NOTCH2: variants seen among roughly 807,000 people sequenced by gnomAD.
NOTCH2 encodes the protein neurogenic locus notch homolog protein 2.
In NOTCH2, 29 loss-of-function variants were observed where a neutral mutation model predicts 235.8. The observed-to-expected ratio is 0.12, with a 90% CI of 0.09 to 0.17. NOTCH2 has a LOEUF of 0.17. NOTCH2 is among the 10% of genes least tolerant of loss of function. The probability of loss-of-function intolerance (pLI) is 1.00; values close to 1 mark genes in which losing one functional copy is unlikely to be tolerated. For synonymous variants in NOTCH2, 1,086 were observed against 1,141.5 expected (o/e 0.95, Z 0.98); for missense variants, 2,285 against 3,150.2 (o/e 0.73, Z 6.57).
At position 119,922,749 on chromosome 1, in the gene NOTCH2, C is replaced by T. The variant is rs1230304595; in HGVS notation, c.4889G>A (p.Arg1630His). The change falls in exon 27 of 34, where the codon CGC (arginine) becomes CAC (histidine). Residue 1630 changes from arginine to histidine, a missense_variant. Transcript: ENST00000256646. ...GTGGTCTGAGTCTTGAACACACTGG[C>T]GGTTGTCAATTTCCAGAAAGACTTT... is the stretch of plus-strand genomic sequence containing the variant. ...GSKVFLEIDN[R>H]QCVQDSDHCF... The T allele has an allele frequency of 3.5e-5, 56 of 1,613,968 alleles. No individual in the cohort carries two copies. The highest frequency in any genetic ancestry group is 4.3e-5 in the Non-Finnish European group (51 of 1,180,028).
intron 2 of NOTCH2, among the ~76,000 whole-genome samples, chr1:120,011,999 G>A (rs1653213510): frequency 7.1e-6 from 1 of 141,440 alleles, no homozygotes. Context: ...CTGGGCGACA[G>A]AGCGAGACTC....
intron 17 of NOTCH2, among the ~76,000 whole-genome samples, chr1:119,945,254 T>A (rs1197917782): frequency 2.0e-5 from 3 of 152,140 alleles, no homozygotes; most frequent in Non-Finnish European, 4.4e-5. Flanking sequence ...TTTATGTATG[T>A]AGATAAAATG....
At position 119,916,479 on chromosome 1, in the gene NOTCH2, T is replaced by C; in HGVS notation, c.6243A>G (p.Ser2081=). 6.2e-7 allele frequency: 1 copy of C among 1,612,414 alleles called. No individual in the cohort carries two copies. The highest frequency in any genetic ancestry group is 1.1e-5 in the South Asian group (1 of 91,036). The change falls in exon 34 of 34, where the codon TCA becomes TCG. Residue 2081 remains serine, a synonymous_variant. Transcript: ENST00000256646. ...ATCTGTTGGGCCCACAGATGACAGG[T>C]GAGAGAGCAGAAGTCAACACGGTGC... ...PPGTVLTSAL[S]PVICGPNRSF...
At chr1:119,954,472 T>C (rs77184820) in intron 13 of NOTCH2, among the ~76,000 whole-genome samples, 1,600 of 152,348 alleles carry the variant, frequency 0.011, 21 homozygotes, top group African/African-American at 0.035. Flanking sequence ...AGCCATATCC[T>C]ATGGCAAATG....
intron 22 of NOTCH2, among the ~76,000 whole-genome samples, chr1:119,930,894 C>A (rs982102497): frequency 6.7e-6 from 1 of 148,196 alleles, no homozygotes; most frequent in African/African-American, 2.6e-5. Context: ...GTCAGGAGAT[C>A]GAGACCATCC....
Position 119,941,520 on chromosome 1 carries a change from G to C in NOTCH2, c.2981+6C>G, listed in dbSNP as rs372064673. The C allele has an allele frequency of 6.7e-5, 107 of 1,596,202 alleles. No individual in the cohort carries two copies. The highest frequency in any genetic ancestry group is 8.9e-5 in the Non-Finnish European group (104 of 1,164,142). Reference sequence around the variant, plus strand: ...GATGCTGATGCCCGAGGGACTGGTTGCTCACCTCTCAGTGCACTCATTGAT... The same window carrying C: ...GATGCTGATGCCCGAGGGACTGGTTCCTCACCTCTCAGTGCACTCATTGAT... On this transcript the variant is annotated splice_donor_region_variant and intron_variant, in intron 18 of 33. Coordinates refer to ENST00000256646, the MANE Select transcript of NOTCH2 (RefSeq NM_024408.4).
chr1:120,028,502 T>C (rs1653961676), intron 2 of NOTCH2, among the ~76,000 whole-genome samples: 1 of 151,760 alleles, frequency 6.6e-6, no homozygotes, highest in Admixed American at 6.6e-5. Flanking sequence ...ACATAAAACC[T>C]TTATTTCCAA....
intron 3 of NOTCH2, among the ~76,000 whole-genome samples, chr1:120,003,698 T>C (rs1553205852): frequency 2.6e-5 from 4 of 151,624 alleles, no homozygotes; most frequent in Admixed American, 1.3e-4. Context: ...AGGTGAGATA[T>C]GTGTAAAAAA....
intron 1 of NOTCH2, among the ~76,000 whole-genome samples, chr1:120,033,497 T>C (rs1381071498): frequency 6.8e-6 from 1 of 146,434 alleles, no homozygotes; most frequent in Non-Finnish European, 1.5e-5. Flanking sequence ...ATAAATTCTG[T>C]CATTTGAGAC....
intron 12 of NOTCH2, among the ~76,000 whole-genome samples, chr1:119,958,673 G>A (rs1271269341): frequency 1.3e-5 from 2 of 151,944 alleles, no homozygotes; most frequent in South Asian, 2.1e-4. Context: ...GATCAGGAGG[G>A]TAAAAGATAA....
At chr1:120,008,790 G>A (rs2101252624) in intron 2 of NOTCH2, among the ~76,000 whole-genome samples, 1 of 152,294 alleles carries the variant, frequency 6.6e-6, no homozygotes, top group South Asian at 2.1e-4. Flanking sequence ...ATTAGTAAAT[G>A]CCTATTATGT....
At chr1:119,916,988 G>C (rs1300805294) in intron 33 of NOTCH2, among the ~76,000 whole-genome samples, 1 of 152,214 alleles carries the variant, frequency 6.6e-6, no homozygotes, top group African/African-American at 2.4e-5. Flanking sequence ...CCCTGAGCCA[G>C]AGACTCACTT....
At chr1:119,938,069 G>T (rs1649924906) in intron 19 of NOTCH2, 59 bp from the exon 20 acceptor site, 2 of 1,570,084 alleles carry the variant, frequency 1.3e-6, no homozygotes. Context: ...ATGAAGAAAA[G>T]AAGTTATATT....
chr1:119,914,976 T>C lies in NOTCH2; in HGVS notation c.*330A>G. 2.2e-6 allele frequency: 1 copy of C among 447,548 alleles called. No homozygotes were observed. The highest frequency in any genetic ancestry group is 4.1e-6 in the Non-Finnish European group (1 of 241,434). 27.7% of individuals were successfully genotyped at this position (447,548 alleles called of 1,614,324 possible). On this transcript the variant is annotated 3_prime_UTR_variant, in exon 34 of 34. Transcript: ENST00000256646. ...TGGCAGAAGCCTGCAGGGCTTAAAATGCAGTCCAAGCTGCAAGAATGTCTG... is the reference window on the plus strand; with the variant it reads ...TGGCAGAAGCCTGCAGGGCTTAAAACGCAGTCCAAGCTGCAAGAATGTCTG...
Position 119,999,218 on chromosome 1 carries a change from C to T in NOTCH2, c.416-1886G>A, listed in dbSNP as rs868993970. Among the ~76,000 whole-genome samples, 77 of 149,210 alleles carry T rather than the reference C, an allele frequency of 5.2e-4. 1 individual carries two copies. In the Middle Eastern group the frequency reaches 0.01, roughly 20 times the overall value. On this transcript the variant is annotated intron_variant, in intron 3 of 33. Coordinates refer to ENST00000256646, the MANE Select transcript of NOTCH2 (RefSeq NM_024408.4). ...GGGTATATATCCAGTAACGGGATGG[C>T]GAGAACTCCTTGAATTTGTTAATAC...
chr1:119,989,296 A>G (rs1298451448), intron 4 of NOTCH2, among the ~76,000 whole-genome samples: 5 of 152,194 alleles, frequency 3.3e-5, no homozygotes, highest in Non-Finnish European at 7.4e-5. Flanking sequence ...TCCACATGTA[A>G]AAGAATCAAG....
Position 119,913,392 on chromosome 1 carries a change from C to T in NOTCH2, c.*1914G>A, listed in dbSNP as rs1044041603. ...ATCAGGTAAGTGGGAAGCACTGATG[C>T]ATACTTGCAGCCATAGAAGGAATGA... On this transcript the variant is annotated 3_prime_UTR_variant, in exon 34 of 34. Transcript: ENST00000256646. The T allele has an allele frequency of 1.3e-5, 3 of 233,196 alleles. No homozygotes were observed. The highest frequency in any genetic ancestry group is 2.5e-5 in the Non-Finnish European group (3 of 118,050). 14.4% of individuals were successfully genotyped at this position (233,196 alleles called of 1,614,324 possible). A position where few individuals can be genotyped will look rare whatever the true frequency, so the allele number is the denominator to read the frequency against.
rs776917379 is a variant in NOTCH2, at chr1:119,916,058, T to C, written c.6664A>G (p.Ser2222Gly). ...HGASTVLPSVSQLLSHHHIVS... is the reference protein window; with the variant it reads ...HGASTVLPSVGQLLSHHHIVS... ...ATGTGGTGGTGGGATAGCAACTGGCTCACTGAGGGAAGCACAGTGCTGGCC... is the reference window on the plus strand; with the variant it reads ...ATGTGGTGGTGGGATAGCAACTGGCCCACTGAGGGAAGCACAGTGCTGGCC... The change falls in exon 34 of 34, where the codon AGC becomes GGC. Residue 2222 changes from serine to glycine, a missense_variant. Physicochemically the swap from Ser to Gly is moderately conservative, Grantham distance 56 (BLOSUM62 0). Around this residue, in one of 6 missense-constraint regions of NOTCH2, gnomAD observed 504 missense variants for 538.0 expected, o/e 0.94. Transcript: ENST00000256646. 6.2e-7 allele frequency: 1 copy of C among 1,613,794 alleles called. No homozygotes were observed. The highest frequency in any genetic ancestry group is 2.2e-5 in the East Asian group (1 of 44,884).
Position 119,914,937 on chromosome 1 carries a change from T to A in NOTCH2, c.*369A>T. ...TTCCCAACAGGACGCTAGTGTAGAA[T>A]CTTCTCATGGATATGGCAGAAGCCT... is the stretch of plus-strand genomic sequence containing the variant. On this transcript the variant is annotated 3_prime_UTR_variant, in exon 34 of 34. Coordinates refer to ENST00000256646, the MANE Select transcript of NOTCH2 (RefSeq NM_024408.4). The A allele has an allele frequency of 5.0e-6, 2 of 400,998 alleles. No individual in the cohort carries two copies. The highest frequency in any genetic ancestry group is 2.8e-5 in the South Asian group (1 of 35,906). 24.8% of individuals were successfully genotyped at this position (400,998 alleles called of 1,614,324 possible).
Sources: gnomAD v4.1 joint callset for allele counts (sites outside exome capture counted in the v4.1 genomes callset) on GRCh38, gnomAD v4.1.1 for gene constraint, gnomAD v4.1.1 regional missense constraint, MANE v1.5 for transcripts, NCBI Gene and HGNC (gene_info 2026-07-23, HGNC 2026-07-21) for gene names.